IGDCC3: variants seen among roughly 807,000 people sequenced by gnomAD.
IGDCC3 encodes putative neuronal cell adhesion molecule.
Under a neutral mutation model 72.0 loss-of-function variants are expected in IGDCC3, and 47 were observed. That is an observed-to-expected ratio of 0.65 (90% CI 0.52 to 0.83). IGDCC3 has a LOEUF of 0.83. Among genes scored for constraint, IGDCC3 ranks in the 40% least tolerant of loss-of-function variants. The pLI, the probability that IGDCC3 is intolerant of heterozygous loss-of-function variation, is 0.00. For missense variants in IGDCC3, 1,038 were observed against 1,091.3 expected (o/e 0.95, Z 0.69); for synonymous variants, 477 against 472.8 (o/e 1.01, Z -0.11).
At chr15:65,349,149 T>C (rs1215761874) in intron 2 of IGDCC3, among the ~76,000 whole-genome samples, 2 of 152,242 alleles carry the variant, frequency 1.3e-5, no homozygotes, top group African/African-American at 4.8e-5. Context: ...GACAGGCCCA[T>C]CTGGGGGCAA....
In IGDCC3 at chr15:65,328,794, A is replaced by C. The variant is rs773651680; in HGVS notation, c.*115T>G. 2.3e-6 allele frequency: 3 copies of C among 1,309,854 alleles called. No homozygotes were observed. Among genetic ancestry groups the C allele is most frequent in the Non-Finnish European group, 3.0e-6 (3 of 990,584 alleles). The allele number at this position is 1,309,854 out of a possible 1,614,324, so 81.1% of individuals were successfully genotyped here. ...TGACAACCCAAGAGGCAGTCAGGAT[A>C]GAAATGCTGGGGAGCCCCCAGGACC... On this transcript the variant is annotated 3_prime_UTR_variant, in exon 14 of 14. Transcript: ENST00000327987.
At chr15:65,367,493 A>G (rs2091294992) in intron 2 of IGDCC3, among the ~76,000 whole-genome samples, 1 of 151,898 alleles carries the variant, frequency 6.6e-6, no homozygotes, top group Non-Finnish European at 1.5e-5. Context: ...TAACCTGCAC[A>G]TTGTGCACAT....
Position 65,329,165 on chromosome 15 carries a change from T to C in IGDCC3, c.2206-17A>G. On this transcript the variant is annotated splice_polypyrimidine_tract_variant and intron_variant, in intron 13 of 13. Coordinates refer to ENST00000327987, the MANE Select transcript of IGDCC3 (RefSeq NM_004884.4). The surrounding 1 kb of genome is among the most constrained non-coding windows in gnomAD (Gnocchi z 4.1). ...AGGATCCTGCTGGGGAAAGAGCCCG[T>C]CACACAGGCGTCAGCTTGAGGGCCA... is the stretch of plus-strand genomic sequence containing the variant. 1 of 1,595,916 alleles carries C rather than the reference T, an allele frequency of 6.3e-7. No individual in the cohort carries two copies.
chr15:65,372,180 C>T (rs1021444328), intron 2 of IGDCC3, among the ~76,000 whole-genome samples: 3 of 152,170 alleles, frequency 2.0e-5, no homozygotes, highest in East Asian at 1.9e-4. Flanking sequence ...GTGCTTCCTG[C>T]GTGCCAGGCA....
At chr15:65,345,483 G>C (rs953790447) in intron 2 of IGDCC3, among the ~76,000 whole-genome samples, 1 of 152,040 alleles carries the variant, frequency 6.6e-6, no homozygotes, top group African/African-American at 2.4e-5. Context: ...GAGTCCAATA[G>C]GTTGAGGCTG....
At chr15:65,351,254 C>T (rs117241699) in intron 2 of IGDCC3, among the ~76,000 whole-genome samples, 2,025 of 152,214 alleles carry the variant, frequency 0.013, 16 homozygotes, top group Middle Eastern at 0.02. Context: ...AGAATCTTAC[C>T]GGCTGGGCGC....
At chr15:65,355,758 T>A in intron 2 of IGDCC3, 3 of 451,548 alleles carry the variant, frequency 6.6e-6, no homozygotes, top group South Asian at 4.7e-5. Context: ...GAATCCGGCA[T>A]TGTGCGCGGC....
In IGDCC3 at chr15:65,377,399, C is replaced by T. The variant is rs2091365428; in HGVS notation, c.103+287G>A. ...GTTTCCCTCGGTCTCCACGCCAGCC[C>T]GCCCCGCTTGCTCCCGCTTCGCTGC... On this transcript the variant is annotated intron_variant, in intron 1 of 13. Coordinates refer to ENST00000327987, the MANE Select transcript of IGDCC3 (RefSeq NM_004884.4). This position sits in a 1 kb window ranked among gnomAD's most constrained non-coding sequence, Gnocchi z 4.9. Among the ~76,000 whole-genome samples the T allele has an allele frequency of 6.6e-6, 1 of 152,162 alleles. No individual in the cohort carries two copies.
At chr15:65,372,766 C>T (rs949312355) in intron 2 of IGDCC3, among the ~76,000 whole-genome samples, 17 of 152,174 alleles carry the variant, frequency 1.1e-4, no homozygotes, top group African/African-American at 4.1e-4. Flanking sequence ...TCTGCAGTGC[C>T]GGCAGGCACA....
chr15:65,354,322 A>G (rs184792865), intron 2 of IGDCC3, among the ~76,000 whole-genome samples: 4 of 152,264 alleles, frequency 2.6e-5, no homozygotes, highest in Non-Finnish European at 5.9e-5. Context: ...CTTGTAACAC[A>G]TCCGTAAAAG....
chr15:65,355,793 T>C, intron 2 of IGDCC3: 1 of 453,330 alleles, frequency 2.2e-6, no homozygotes. Context: ...AGACAGCCAT[T>C]GTCCTCGCAC....
intron 2 of IGDCC3, among the ~76,000 whole-genome samples, chr15:65,357,643 T>C (rs999572293): frequency 4.6e-5 from 7 of 152,236 alleles, no homozygotes; most frequent in East Asian, 1.9e-4. Context: ...CAAGCACTAG[T>C]AGTGACAGTG....
intron 2 of IGDCC3, among the ~76,000 whole-genome samples, chr15:65,360,392 T>C (rs1039914548): frequency 7.9e-5 from 12 of 152,240 alleles, no homozygotes; most frequent in African/African-American, 2.9e-4. Flanking sequence ...AATATCATTA[T>C]GGATGATCTG....
In IGDCC3 at chr15:65,377,888, C is replaced by G. The variant is rs1043714894; in HGVS notation, c.-100G>C. On this transcript the variant is annotated 5_prime_UTR_variant, in exon 1 of 14. Transcript: ENST00000327987. The surrounding 1 kb of genome is among the most constrained non-coding windows in gnomAD (Gnocchi z 4.9). ...GGCGCCGGGGCCGGGGCTGGGGCTC[C>G]GGCCGGGGCCGAGCCCAGGCGGTGG... is the stretch of plus-strand genomic sequence containing the variant. 1 of 1,009,218 alleles carries G rather than the reference C, an allele frequency of 9.9e-7. No individual in the cohort carries two copies. Among genetic ancestry groups the G allele is most frequent in the Non-Finnish European group, 1.2e-6 (1 of 842,750 alleles). 62.5% of individuals were successfully genotyped at this position (1,009,218 alleles called of 1,614,324 possible).
chr15:65,330,928 C>T, intron 9 of IGDCC3, 122 bp downstream of exon 9: 1 of 1,230,016 alleles, frequency 8.1e-7, no homozygotes, highest in Non-Finnish European at 1.1e-6. Flanking sequence ...GTAGACTCAG[C>T]CCTGACAGCC....
chr15:65,372,768 G>A (rs2140173578), intron 2 of IGDCC3, among the ~76,000 whole-genome samples: 1 of 152,330 alleles, frequency 6.6e-6, no homozygotes, highest in African/African-American at 2.4e-5. Flanking sequence ...TGCAGTGCCG[G>A]CAGGCACACG....
chr15:65,328,932 G>C lies in IGDCC3; in HGVS notation c.2422C>G (p.Gln808Glu). ...ASRPAAARVTQPAHSEQ is the reference protein window; with the variant it reads ...ASRPAAARVTEPAHSEQ ...GGCTACTGTTCCGAGTGAGCTGGCTGGGTAACCCGGGCCGCTGCAGGCCTG... is the reference window on the plus strand; with the variant it reads ...GGCTACTGTTCCGAGTGAGCTGGCTCGGTAACCCGGGCCGCTGCAGGCCTG... The change falls in exon 14 of 14, where the codon CAG becomes GAG. Residue 808 changes from glutamine (Q) to glutamate (E), a missense_variant. Coordinates refer to ENST00000327987, the MANE Select transcript of IGDCC3 (RefSeq NM_004884.4). 5 of 1,554,170 alleles carry C rather than the reference G, an allele frequency of 3.2e-6. No homozygotes were observed. The highest frequency in any genetic ancestry group is 4.0e-5 in the Admixed American group (2 of 49,614).
chr15:65,375,773 G>A (rs2091355400), intron 1 of IGDCC3, among the ~76,000 whole-genome samples: 1 of 152,102 alleles, frequency 6.6e-6, no homozygotes, highest in Admixed American at 6.5e-5. Context: ...CTACTTCGAT[G>A]GTCACCCTGG....
intron 9 of IGDCC3, 45 bp from the exon 10 acceptor site, chr15:65,330,786 CTCTA>C (rs3058049): frequency 1.4e-6 from 2 of 1,423,434 alleles, no homozygotes; most frequent in South Asian, 1.3e-5. Flanking sequence ...CCAGTGGAAG[CTCTA>C]TCTTTCTACC....
Sources: gnomAD v4.1 joint callset for allele counts (sites outside exome capture counted in the v4.1 genomes callset) on GRCh38, gnomAD v4.1.1 for gene constraint, Gnocchi (gnomAD v3.1) non-coding constraint, MANE v1.5 for transcripts, NCBI Gene and HGNC (gene_info 2026-07-23, HGNC 2026-07-21) for gene names.